Variants in CTNNA3 observed in about 807,000 individuals in gnomAD.
The protein encoded by CTNNA3 is catenin alpha-3.
CTNNA3 carries 76 observed loss-of-function variants against 95.7 expected under a neutral mutation model. That is an observed-to-expected ratio of 0.79 (90% CI 0.66 to 0.96). The LOEUF is 0.96. CTNNA3 is among the 40% of genes least tolerant of loss of function. CTNNA3 has a pLI of 0.00. For synonymous variants in CTNNA3, 431 were observed against 374.4 expected, an observed-to-expected ratio of 1.15 and a Z score of -1.74; for missense variants, 1,191 against 1,089.8, an observed-to-expected ratio of 1.09 and a Z score of -1.31.
intron 7 of CTNNA3, among the ~76,000 whole-genome samples, chr10:67,051,414 A>C (rs912756911): frequency 1.3e-5 from 2 of 152,158 alleles, no homozygotes; most frequent in African/African-American, 2.4e-5. Flanking sequence ...TAATAAGCCA[A>C]GAAATGCTAT....
At chr10:66,716,339 T>C (rs920993176) in intron 9 of CTNNA3, among the ~76,000 whole-genome samples, 1 of 152,174 alleles carries the variant, frequency 6.6e-6, no homozygotes, top group Non-Finnish European at 1.5e-5. Flanking sequence ...AAGGAAGAAT[T>C]TGAAAATAAT....
chr10:67,031,267 A>C (rs1256399195), intron 7 of CTNNA3, among the ~76,000 whole-genome samples: 1 of 152,158 alleles, frequency 6.6e-6, no homozygotes, highest in Non-Finnish European at 1.5e-5. Context: ...TTCAACATCA[A>C]ATGAGGTAGA....
At chr10:66,447,220 G>T (rs1356226566) in intron 11 of CTNNA3, among the ~76,000 whole-genome samples, 1 of 152,110 alleles carries the variant, frequency 6.6e-6, no homozygotes, top group Non-Finnish European at 1.5e-5. Flanking sequence ...TGGGTAGGAA[G>T]AATCAATATC....
intron 15 of CTNNA3, among the ~76,000 whole-genome samples, chr10:65,990,443 A>T (rs1264206576): frequency 6.8e-6 from 1 of 147,356 alleles, no homozygotes; most frequent in African/African-American, 2.5e-5. Context: ...GTAAAATGAT[A>T]TATTATTGTA....
At chr10:66,713,066 C>T (rs1251159634) in intron 9 of CTNNA3, among the ~76,000 whole-genome samples, 2 of 152,100 alleles carry the variant, frequency 1.3e-5, no homozygotes, top group African/African-American at 4.8e-5. Flanking sequence ...TCTAACCTCT[C>T]TCTGAAACCC....
chr10:67,357,986 A>G (rs2132661791), intron 5 of CTNNA3, among the ~76,000 whole-genome samples: 1 of 152,280 alleles, frequency 6.6e-6, no homozygotes, highest in Admixed American at 6.5e-5. Context: ...AAACCTGGAT[A>G]TATATGAATA....
At chr10:67,425,561 C>A (rs919988461) in intron 5 of CTNNA3, among the ~76,000 whole-genome samples, 1 of 151,918 alleles carries the variant, frequency 6.6e-6, no homozygotes, top group Non-Finnish European at 1.5e-5. Context: ...CAGGGTATAG[C>A]CACTAGGAAT....
chr10:67,626,502 T>A (rs1297391362), intron 2 of CTNNA3, among the ~76,000 whole-genome samples: 1 of 152,184 alleles, frequency 6.6e-6, no homozygotes, highest in Non-Finnish European at 1.5e-5. Flanking sequence ...AATAAAGTTT[T>A]AAAAAAATAA....
chr10:66,914,283 A>C (rs1388720276), intron 7 of CTNNA3, among the ~76,000 whole-genome samples: 1 of 151,896 alleles, frequency 6.6e-6, no homozygotes, highest in African/African-American at 2.4e-5. Context: ...GGCACCTGCT[A>C]CCACGGCCGG....
chr10:67,666,296 G>A (rs1470427687), intron 1 of CTNNA3, among the ~76,000 whole-genome samples: 2 of 152,028 alleles, frequency 1.3e-5, no homozygotes, highest in African/African-American at 4.8e-5. Context: ...TAAATATCTT[G>A]AATTAATCTG....
intron 1 of CTNNA3, among the ~76,000 whole-genome samples, chr10:67,677,984 C>T (rs1299073197): frequency 6.6e-6 from 1 of 152,130 alleles, no homozygotes; most frequent in Non-Finnish European, 1.5e-5. Flanking sequence ...TAACAAGATA[C>T]TTGTCCTTCA....
At chr10:66,366,857 A>G (rs4465260) in intron 12 of CTNNA3, among the ~76,000 whole-genome samples, 120,337 of 152,078 alleles carry the variant, frequency 0.79, 47,704 homozygotes, top group Admixed American at 0.85. Context: ...GTATGTGTGT[A>G]TCTTTGTGTG....
At chr10:66,487,183 T>A (rs923879565) in intron 11 of CTNNA3, among the ~76,000 whole-genome samples, 483 of 10,402 alleles carry the variant, frequency 0.046, 6 homozygotes, top group African/African-American at 0.1. Context: ...AAGGGCAGAT[T>A]TTTTTTTTTT....
At chr10:66,581,413 A>ATTT (rs3053825) in intron 10 of CTNNA3, among the ~76,000 whole-genome samples, 15 of 148,096 alleles carry the variant, frequency 1.0e-4, no homozygotes, top group Admixed American at 2.7e-4. Context: ...TCTTTTGGGG[A>ATTT]TTTTTTTTTT....
intron 5 of CTNNA3, among the ~76,000 whole-genome samples, chr10:67,322,534 T>C (rs976747516): frequency 2.0e-5 from 3 of 152,226 alleles, no homozygotes; most frequent in Non-Finnish European, 4.4e-5. Flanking sequence ...GCTCTATCCA[T>C]GTTCCTGCAT....
intron 7 of CTNNA3, among the ~76,000 whole-genome samples, chr10:67,018,147 G>A (rs1396818667): frequency 1.3e-5 from 2 of 151,924 alleles, no homozygotes; most frequent in Non-Finnish European, 2.9e-5. Context: ...TTTACAGTAG[G>A]GCCAAGACTT....
In CTNNA3 at chr10:66,520,697, C is replaced by T. The variant is rs748621335; in HGVS notation, c.1451G>A (p.Arg484His). Reference protein sequence around the residue: ...AVKNTMEMYKRTWENHIHVLT... With the variant: ...AVKNTMEMYKHTWENHIHVLT... ...GACATGTATATGATTCTCCCATGTA[C>T]GCTTGTACATTTCCATGGTGTTTTT... The change falls in exon 11 of 18, where the codon CGT becomes CAT. Residue 484 changes from arginine to histidine, a missense_variant. Physicochemically the swap from Arg to His is conservative, Grantham distance 29 (BLOSUM62 0). Transcript: ENST00000433211. 48 of 1,612,012 alleles carry T rather than the reference C, an allele frequency of 3.0e-5. No homozygotes were observed. The highest frequency in any genetic ancestry group is 6.7e-5 in the Admixed American group (4 of 59,720).
chr10:67,140,701 A>G (rs1169229824), intron 7 of CTNNA3, among the ~76,000 whole-genome samples: 2 of 152,210 alleles, frequency 1.3e-5, no homozygotes, highest in Non-Finnish European at 2.9e-5. Context: ...ATGGTAAAAC[A>G]AAGTCCTTTT....
intron 2 of CTNNA3, 47 bp downstream of exon 2, chr10:67,647,368 C>T: frequency 1.6e-6 from 2 of 1,281,326 alleles, no homozygotes; most frequent in Middle Eastern, 1.9e-4. Flanking sequence ...ACATATTTTT[C>T]ATTCTTCTGC....
Sources: allele counts gnomAD v4.1 joint callset (sites outside exome capture counted in the v4.1 genomes callset), GRCh38; gene constraint gnomAD v4.1.1; transcripts MANE v1.5; gene names NCBI Gene and HGNC (gene_info 2026-07-23, HGNC 2026-07-21).